Variants in RNF216 observed in about 807,000 individuals in gnomAD.
RNF216 encodes the protein E3 ubiquitin-protein ligase RNF216.
RNF216 carries 72 observed loss-of-function variants against 110.8 expected under a neutral mutation model. The observed-to-expected ratio is 0.65, with a 90% CI of 0.54 to 0.79. The LOEUF (loss-of-function observed/expected upper bound fraction) is 0.79. Ranked by LOEUF, RNF216 falls within the 30% of genes least tolerant of loss-of-function variation. RNF216 has a pLI of 0.00. For missense variants in RNF216, 1,342 were observed against 1,141.2 expected (o/e 1.18, Z -2.54); for synonymous variants, 495 against 407.5 (o/e 1.21, Z -2.59).
chr7:5,725,901 T>C (rs1250341832), intron 7 of RNF216, among the ~76,000 whole-genome samples: 1 of 151,898 alleles, frequency 6.6e-6, no homozygotes, highest in Admixed American at 6.6e-5. Flanking sequence ...ATTTCTTTAT[T>C]TTCATTTTCT....
intron 1 of RNF216, among the ~76,000 whole-genome samples, chr7:5,772,982 G>C (rs1796577636): frequency 6.6e-6 from 1 of 151,986 alleles, no homozygotes; most frequent in African/African-American, 2.4e-5. Context: ...GTTTCACCAT[G>C]TTGGCCAGGC....
intron 1 of RNF216, among the ~76,000 whole-genome samples, chr7:5,778,210 G>A (rs1302162793): frequency 6.6e-6 from 1 of 152,080 alleles, no homozygotes; most frequent in Non-Finnish European, 1.5e-5. Flanking sequence ...TTTTCCCCCC[G>A]CATTCACCAT....
At chr7:5,689,500 TA>T (rs538275874) in intron 13 of RNF216, among the ~76,000 whole-genome samples, 2 of 150,252 alleles carry the variant, frequency 1.3e-5, no homozygotes, top group African/African-American at 2.4e-5. Context: ...GGCCATTTTC[TA>T]AAAAAAAACA....
chr7:5,620,767 C>G lies in RNF216; in HGVS notation c.*2093G>C, dbSNP rs1327426833. On this transcript the variant is annotated 3_prime_UTR_variant, in exon 17 of 17. Transcript: ENST00000389902. The stretch of plus-strand genomic sequence containing the variant: ...CACCTGTCTAGGGCTGTTTCTGCAG[C>G]TGCTGCCTGCTCCCTTTGTCCTGCC... 1.3e-5 allele frequency: 2 copies of G among 152,454 alleles called. No homozygotes were observed. The highest frequency in any genetic ancestry group is 4.8e-5 in the African/African-American group (2 of 41,460). 9.4% of individuals were successfully genotyped at this position (152,454 alleles called of 1,614,324 possible). A position where few individuals can be genotyped will look rare whatever the true frequency, so the allele number is the denominator to read the frequency against.
intron 13 of RNF216, among the ~76,000 whole-genome samples, chr7:5,669,454 C>T (rs988490988): frequency 2.0e-5 from 3 of 152,158 alleles, no homozygotes; most frequent in African/African-American, 7.2e-5. Context: ...ATCATCACTC[C>T]ATCTTGCCTC....
At chr7:5,747,593 T>G (rs1321702941) in intron 3 of RNF216, among the ~76,000 whole-genome samples, 1 of 151,656 alleles carries the variant, frequency 6.6e-6, no homozygotes. Context: ...TTTTTAAAAA[T>G]TAGAGACAAA....
At chr7:5,727,142 G>A (rs551700045) in intron 7 of RNF216, among the ~76,000 whole-genome samples, 1 of 152,318 alleles carries the variant, frequency 6.6e-6, no homozygotes, top group East Asian at 1.9e-4. Context: ...ATGATGCAGT[G>A]TTTGCCTGAA....
chr7:5,757,583 T>C (rs958298581), intron 2 of RNF216, among the ~76,000 whole-genome samples: 3 of 152,200 alleles, frequency 2.0e-5, no homozygotes, highest in Admixed American at 6.6e-5. Context: ...TACTGATATA[T>C]GCAACAACAG....
intron 14 of RNF216, among the ~76,000 whole-genome samples, chr7:5,642,712 C>T (rs1162041288): frequency 6.6e-6 from 1 of 152,114 alleles, no homozygotes; most frequent in African/African-American, 2.4e-5. Context: ...CTCCTAACCT[C>T]AAGTGATCCG....
chr7:5,689,227 G>A (rs1017441315), intron 13 of RNF216, among the ~76,000 whole-genome samples: 1 of 152,062 alleles, frequency 6.6e-6, no homozygotes, highest in African/African-American at 2.4e-5. Context: ...CAAAGGGCAG[G>A]CCTGGCTCCA....
chr7:5,628,955 G>C (rs1414349166), intron 15 of RNF216, among the ~76,000 whole-genome samples: 1 of 152,112 alleles, frequency 6.6e-6, no homozygotes, highest in Non-Finnish European at 1.5e-5. Flanking sequence ...CCAGCACTTT[G>C]GGAGTTCGAG....
chr7:5,774,176 T>A (rs1796650259), intron 1 of RNF216, among the ~76,000 whole-genome samples: 1 of 19,884 alleles, frequency 5.0e-5, no homozygotes, highest in African/African-American at 2.6e-4. Flanking sequence ...ACTGCCTATG[T>A]TTAAATCTTG....
At chr7:5,625,737 CAGAA>C (rs1786667238) in intron 15 of RNF216, among the ~76,000 whole-genome samples, 1 of 152,232 alleles carries the variant, frequency 6.6e-6, no homozygotes, top group Non-Finnish European at 1.5e-5. Flanking sequence ...AACAATGAAA[CAGAA>C]AGGCAGATGG....
At chr7:5,710,419 T>C (rs930086695) in intron 13 of RNF216, among the ~76,000 whole-genome samples, 2 of 151,768 alleles carry the variant, frequency 1.3e-5, no homozygotes, top group African/African-American at 4.8e-5. Flanking sequence ...GTCTCTCCTC[T>C]TCTTTGGCCT....
intron 15 of RNF216, among the ~76,000 whole-genome samples, chr7:5,630,089 G>C (rs560568100): frequency 1.3e-5 from 2 of 152,118 alleles, no homozygotes; most frequent in South Asian, 4.2e-4. Context: ...AAAATAGAAG[G>C]AAAGAGGATG....
At chr7:5,686,947 C>T (rs1294016678) in intron 13 of RNF216, among the ~76,000 whole-genome samples, 1 of 152,228 alleles carries the variant, frequency 6.6e-6, no homozygotes, top group Non-Finnish European at 1.5e-5. Context: ...AATGCTCACT[C>T]ACTGGCCCAG....
At chr7:5,643,444 C>G (rs1021167697) in intron 14 of RNF216, among the ~76,000 whole-genome samples, 8 of 151,688 alleles carry the variant, frequency 5.3e-5, no homozygotes, top group African/African-American at 1.9e-4. Flanking sequence ...GAAGCCGGAG[C>G]TGTGACTGTG....
At chr7:5,669,304 C>T (rs1789744986) in intron 13 of RNF216, among the ~76,000 whole-genome samples, 1 of 152,162 alleles carries the variant, frequency 6.6e-6, no homozygotes, top group Admixed American at 6.5e-5. Flanking sequence ...TCCTCTGATA[C>T]CTCTATTTAG....
At chr7:5,658,194 T>G (rs549522902) in intron 13 of RNF216, among the ~76,000 whole-genome samples, 2 of 152,230 alleles carry the variant, frequency 1.3e-5, no homozygotes, top group Non-Finnish European at 2.9e-5. Flanking sequence ...AATAAAGTGC[T>G]TCTCCTACTG....
Sources: gnomAD v4.1 joint callset for allele counts (sites outside exome capture counted in the v4.1 genomes callset) on GRCh38, gnomAD v4.1.1 for gene constraint, MANE v1.5 for transcripts, NCBI Gene and HGNC (gene_info 2026-07-23, HGNC 2026-07-21) for gene names.